Variants in PCDHGA8 observed in about 807,000 individuals in gnomAD.
The protein encoded by PCDHGA8 is protocadherin gamma subfamily A, 8.
A neutral mutation model predicts 59.2 loss-of-function variants in PCDHGA8; 45 were observed. The observed-to-expected ratio is 0.76, with a 90% CI of 0.60 to 0.98. The LOEUF (loss-of-function observed/expected upper bound fraction) is 0.98. Among genes scored for constraint, PCDHGA8 ranks in the 50% least tolerant of loss-of-function variants. PCDHGA8 has a pLI of 0.00. For synonymous variants in PCDHGA8, 531 were observed against 519.0 expected (o/e 1.02, Z -0.32); for missense variants, 1,257 against 1,196.2 (o/e 1.05, Z -0.75).
chr5:141,428,632 G>A (rs574049916), intron 1 of PCDHGA8: 35 of 182,522 alleles, frequency 1.9e-4, no homozygotes, highest in African/African-American at 7.6e-4. Context: ...CTCTAACTCT[G>A]TTGCTCCTAC....
rs749044339 is a variant in PCDHGA8, at chr5:141,477,410, G to A, written c.2425-17397G>A. On this transcript the variant is annotated intron_variant, in intron 1 of 3. Coordinates refer to ENST00000398604, the MANE Select transcript of PCDHGA8 (RefSeq NM_032088.2). This position sits in a 1 kb window ranked among gnomAD's most constrained non-coding sequence, Gnocchi z 4.9. ...CAACCTCAGCATCACCGCCCGAGAC[G>A]CCGGAACCCCTTCCCTCTCAGCCCT... 66 of 1,613,988 alleles carry A rather than the reference G, an allele frequency of 4.1e-5. 1 individual carries two copies. The South Asian group carries it at 7.0e-4, about 17-fold the overall frequency.
intron 1 of PCDHGA8, chr5:141,423,074 G>T (rs2096705802): frequency 6.2e-7 from 1 of 1,614,006 alleles, no homozygotes; most frequent in African/African-American, 1.3e-5. Flanking sequence ...AGCGAGCCGG[G>T]ACTCTTCGCG....
chr5:141,415,101 C>T, intron 1 of PCDHGA8: 1 of 1,613,550 alleles, frequency 6.2e-7, no homozygotes, highest in South Asian at 1.1e-5. Context: ...GAGACGCGCT[C>T]AAGCAAAGCC....
At chr5:141,454,000 T>C (rs1048921374) in intron 1 of PCDHGA8, among the ~76,000 whole-genome samples, 2 of 152,214 alleles carry the variant, frequency 1.3e-5, no homozygotes, top group African/African-American at 4.8e-5. Flanking sequence ...TAAACCCACA[T>C]AACATTTTAG....
intron 1 of PCDHGA8, chr5:141,402,883 G>A (rs1418475947): frequency 6.7e-7 from 1 of 1,483,116 alleles, no homozygotes; most frequent in South Asian, 1.4e-5. Flanking sequence ...ACTTTGCAGG[G>A]TGGAAGAAAG....
rs1561663429 is a variant in PCDHGA8 at position 141,398,237 on chromosome 5, T to C, written c.2424+3000T>C. 4.1e-6 allele frequency: 6 copies of C among 1,479,416 alleles called. No homozygotes were observed. In the African/African-American group the frequency reaches 8.6e-5, roughly 21 times the overall value. The allele number at this position is 1,479,416 out of a possible 1,614,324, so 91.6% of individuals were successfully genotyped here. ...CTCTGTGAGCAGATCCGCTACAGGA[T>C]TCCCGAGGAAATGCCCAAGGGCTCC... On this transcript the variant is annotated intron_variant, in intron 1 of 3. Transcript: ENST00000398604.
intron 1 of PCDHGA8, chr5:141,478,565 T>C (rs772519746): frequency 1.6e-5 from 25 of 1,593,862 alleles, no homozygotes; most frequent in Non-Finnish European, 2.0e-5. Flanking sequence ...TAGCAAGTCA[T>C]GCTTGACCCT....
At position 141,431,389 on chromosome 5, in the gene PCDHGA8, G is replaced by A; in HGVS notation, c.2424+36152G>A. 2 of 1,613,876 alleles carry A rather than the reference G, an allele frequency of 1.2e-6. No individual in the cohort carries two copies. The highest frequency in any genetic ancestry group is 1.7e-6 in the Non-Finnish European group (2 of 1,180,040). ...GCGAAGAAAAGGCTGCTCACCACCT[G>A]GTCCTTACGGCCTCCGACGGGGGCG... On this transcript the variant is annotated intron_variant, in intron 1 of 3. Coordinates refer to ENST00000398604, the MANE Select transcript of PCDHGA8 (RefSeq NM_032088.2). This position sits in a 1 kb window ranked among gnomAD's most constrained non-coding sequence, Gnocchi z 4.8.
intron 1 of PCDHGA8, among the ~76,000 whole-genome samples, chr5:141,450,888 G>A (rs1038570371): frequency 6.9e-5 from 10 of 145,278 alleles, no homozygotes; most frequent in Admixed American, 4.1e-4. Context: ...GCAGTGGTGC[G>A]ATATCGGCTC....
intron 1 of PCDHGA8, among the ~76,000 whole-genome samples, chr5:141,456,714 C>T (rs1456452530): frequency 6.6e-6 from 1 of 152,176 alleles, no homozygotes; most frequent in Non-Finnish European, 1.5e-5. Flanking sequence ...CCTGTAATCC[C>T]AGCACTTTGG....
chr5:141,394,343 C>T lies in PCDHGA8; in HGVS notation c.1530C>T (p.Asp510=). 2 of 1,614,158 alleles carry T rather than the reference C, an allele frequency of 1.2e-6. No individual in the cohort carries two copies. The highest frequency in any genetic ancestry group is 1.3e-5 in the African/African-American group (1 of 75,054). The change falls in exon 1 of 4, where the codon GAC becomes GAT. Residue 510 remains aspartate, a synonymous_variant. Transcript: ENST00000398604. The part of the protein sequence containing the change: ...PLSSYISINS[D]TGVLYALQSF... Reference sequence around the variant, plus strand: ...CCTCGTATATCTCCATCAACTCTGACACCGGTGTCCTGTATGCGCTGCAAT... The same window carrying T: ...CCTCGTATATCTCCATCAACTCTGATACCGGTGTCCTGTATGCGCTGCAAT...
In PCDHGA8 at chr5:141,431,463, C is replaced by T. The variant is rs139195027; in HGVS notation, c.2424+36226C>T. Reference sequence around the variant, plus strand: ...CGCATCCGCGTGATGGTTCTGGATGCGAACGACAACGCACCAGCGTTTGCT... The same window carrying T: ...CGCATCCGCGTGATGGTTCTGGATGTGAACGACAACGCACCAGCGTTTGCT... On this transcript the variant is annotated intron_variant, in intron 1 of 3. Transcript: ENST00000398604. The surrounding 1 kb of genome is among the most constrained non-coding windows in gnomAD (Gnocchi z 4.8). The T allele has an allele frequency of 3.5e-3, 5,640 of 1,613,740 alleles. 51 individuals are homozygous for T. Among genetic ancestry groups the T allele is most frequent in the South Asian group, 0.02 (1,825 of 91,088 alleles).
chr5:141,484,897 A>G (rs2099602925), intron 1 of PCDHGA8: 2 of 392,698 alleles, frequency 5.1e-6, no homozygotes, highest in Middle Eastern at 7.1e-4. Flanking sequence ...TTTCCCCTCC[A>G]ATGCTGCGAC....
chr5:141,419,361 T>C, intron 1 of PCDHGA8: 1 of 1,613,794 alleles, frequency 6.2e-7, no homozygotes, highest in Non-Finnish European at 8.5e-7. Context: ...TCACGAACGC[T>C]GTCGTCCTAC....
At chr5:141,479,590 A>T (rs2099500448) in intron 1 of PCDHGA8, 1 of 152,182 alleles carries the variant, frequency 6.6e-6, no homozygotes, top group Non-Finnish European at 1.5e-5. Context: ...TAGCCACTGC[A>T]CTCCAGCCTA....
intron 1 of PCDHGA8, chr5:141,422,354 A>G: frequency 6.4e-7 from 1 of 1,557,090 alleles, no homozygotes; most frequent in Non-Finnish European, 8.6e-7. Flanking sequence ...CAAGATCAAG[A>G]TTCTGGAGAA....
chr5:141,488,714 A>G (rs2099678684), intron 1 of PCDHGA8, among the ~76,000 whole-genome samples: 1 of 152,192 alleles, frequency 6.6e-6, no homozygotes, highest in Non-Finnish European at 1.5e-5. Flanking sequence ...TGGTTCAAGC[A>G]AAGTGGTGGA....
At chr5:141,403,513 T>C (rs754840157) in intron 1 of PCDHGA8, 1 of 1,613,714 alleles carries the variant, frequency 6.2e-7, no homozygotes, top group East Asian at 2.2e-5. Flanking sequence ...CTGGAGACAA[T>C]GGAGCCATAA....
intron 1 of PCDHGA8, chr5:141,420,156 AT>A (rs755916873): frequency 6.2e-7 from 1 of 1,613,990 alleles, no homozygotes; most frequent in African/African-American, 1.3e-5. Flanking sequence ...CCAGAATTTA[AT>A]TTTTTCACAT....
Sources: gnomAD v4.1 joint callset for allele counts (sites outside exome capture counted in the v4.1 genomes callset) on GRCh38, gnomAD v4.1.1 for gene constraint, Gnocchi (gnomAD v3.1) non-coding constraint, MANE v1.5 for transcripts, NCBI Gene and HGNC (gene_info 2026-07-23, HGNC 2026-07-21) for gene names.